Variants in ATP10B observed in about 807,000 individuals in gnomAD.
ATP10B encodes the protein ATPase phospholipid transporting 10B (putative).
ATP10B carries 122 observed loss-of-function variants against 141.2 expected under a neutral mutation model. The ratio of observed to expected loss-of-function variants is 0.86; its 90% CI spans 0.75 to 1.00. ATP10B has a LOEUF of 1.00. Ranked by LOEUF, ATP10B falls within the 50% of genes least tolerant of loss-of-function variation. The probability of loss-of-function intolerance (pLI) is 0.00; values close to 1 mark genes in which losing one functional copy is unlikely to be tolerated. For synonymous variants in ATP10B, 685 were observed against 692.0 expected (o/e 0.99, Z 0.16); for missense variants, 1,876 against 1,825.3 (o/e 1.03, Z -0.51).
Position 160,637,029 on chromosome 5 carries a change from C to CATCCATGA in ATP10B, c.1001-721_1001-720insTCATGGAT, listed in dbSNP as rs1364358481. On this transcript the variant is annotated intron_variant, in intron 10 of 25. Coordinates refer to ENST00000327245, the MANE Select transcript of ATP10B (RefSeq NM_025153.3). Reference sequence around the variant, plus strand: ...CAATCCATCCATCTATCCATCCATCCATCCATCCATGAATCCATCCATCCA... The same window carrying CATCCATGA: ...CAATCCATCCATCTATCCATCCATCCATCCATGAATCCATCCATGAATCCATCCATCCA... Among the ~76,000 whole-genome samples the CATCCATGA allele has an allele frequency of 9.2e-3, 1,162 of 126,698 alleles. 29 individuals carry two copies. The highest frequency in any genetic ancestry group is 0.029 in the African/African-American group (895 of 31,402). 83.1% of individuals were successfully genotyped at this position (126,698 alleles called of 152,430 possible).
chr5:160,619,820 C>T (rs1016868627), intron 15 of ATP10B, among the ~76,000 whole-genome samples: 57 of 152,272 alleles, frequency 3.7e-4, no homozygotes, highest in African/African-American at 1.3e-3. Flanking sequence ...AGAGGAACAC[C>T]TGAGGCTTCC....
chr5:160,591,383 G>A (rs541356882), intron 22 of ATP10B, among the ~76,000 whole-genome samples: 2 of 152,200 alleles, frequency 1.3e-5, no homozygotes, highest in South Asian at 4.2e-4. Flanking sequence ...ATTAAATGTG[G>A]GCAAAAATAA....
the ATP10B span, among the ~76,000 whole-genome samples, chr5:160,874,075 G>A: frequency 1.6e-4 from 25 of 152,160 alleles, no homozygotes; most frequent in Non-Finnish European, 2.8e-4. Context: ...CTCCACCACT[G>A]GGGGCAGGGC....
At chr5:160,809,466 T>C in intron 1 of ATP10B, among the ~76,000 whole-genome samples, 1 of 152,234 alleles carries the variant, frequency 6.6e-6, no homozygotes, top group East Asian at 1.9e-4. Flanking sequence ...GCAATACATA[T>C]GCAATACATA....
the ATP10B span, among the ~76,000 whole-genome samples, chr5:160,928,023 C>T: frequency 6.6e-6 from 1 of 151,976 alleles, no homozygotes; most frequent in Non-Finnish European, 1.5e-5. Context: ...AACAGAGCAA[C>T]AGCCAGGGCT....
intron 1 of ATP10B, among the ~76,000 whole-genome samples, chr5:160,825,807 C>T (rs182885918): frequency 7.9e-5 from 12 of 152,260 alleles, no homozygotes; most frequent in East Asian, 1.9e-4. Context: ...TTCCCACCTC[C>T]GCCCTTCCCC....
chr5:160,678,070 C>T (rs1763144613), intron 6 of ATP10B, among the ~76,000 whole-genome samples: 1 of 152,012 alleles, frequency 6.6e-6, no homozygotes, highest in East Asian at 1.9e-4. Context: ...TGTGCTGTGG[C>T]CAGAAATAAA....
intron 10 of ATP10B, among the ~76,000 whole-genome samples, chr5:160,637,799 C>T (rs1759530960): frequency 6.6e-6 from 1 of 152,230 alleles, no homozygotes; most frequent in African/African-American, 2.4e-5. Context: ...CCTAAAGATG[C>T]TTCCTTGCCC....
chr5:160,667,600 T>C (rs368755031), intron 7 of ATP10B, among the ~76,000 whole-genome samples: 58 of 152,346 alleles, frequency 3.8e-4, no homozygotes, highest in African/African-American at 1.2e-3. Context: ...CTCTCTTTTT[T>C]GTTTTTCTTT....
chr5:160,752,096 A>AT (rs1244699655), intron 2 of ATP10B, among the ~76,000 whole-genome samples: 2 of 152,144 alleles, frequency 1.3e-5, no homozygotes, highest in Admixed American at 1.3e-4. Flanking sequence ...GGATCTTCAC[A>AT]TAAAAAGGCA....
upstream of ATP10B, among the ~76,000 whole-genome samples, chr5:160,855,024 T>C (rs547992518): frequency 5.3e-5 from 8 of 152,290 alleles, no homozygotes; most frequent in East Asian, 1.9e-4. Flanking sequence ...TTTCCAGCTC[T>C]GTTATAAAGT....
chr5:160,665,209 T>C (rs1038796974), intron 7 of ATP10B, among the ~76,000 whole-genome samples: 3 of 152,232 alleles, frequency 2.0e-5, no homozygotes, highest in Non-Finnish European at 4.4e-5. Flanking sequence ...TGAAACTAAC[T>C]CTTTGGCAGC....
At chr5:160,848,903 C>T (rs1456052384) in intron 1 of ATP10B, among the ~76,000 whole-genome samples, 1 of 152,190 alleles carries the variant, frequency 6.6e-6, no homozygotes, top group African/African-American at 2.4e-5. Context: ...CTGTTCTTCA[C>T]TTTGAGAAAC....
Position 160,598,816 on chromosome 5 carries a change from G to A in ATP10B, c.3518C>T (p.Thr1173Ile). The A allele has an allele frequency of 2.5e-6, 4 of 1,614,184 alleles. No homozygotes were observed. Among genetic ancestry groups the A allele is most frequent in the South Asian group, 1.1e-5 (1 of 91,078 alleles). Residue 1173 changes from threonine (T) to isoleucine (I), a missense_variant, in exon 22 of 26, where the codon ACA becomes ATA. Transcript: ENST00000327245. ...GTATAGCTCAGGCAATGCCAGGAGT[G>A]TTTCTGCAGAGATGTCTTTGTCAAG... ...GVLDKDISAE[T>I]LLALPELYKS...
chr5:160,721,141 T>C (rs537170012), intron 2 of ATP10B, among the ~76,000 whole-genome samples: 172 of 152,314 alleles, frequency 1.1e-3, no homozygotes, highest in African/African-American at 4.1e-3. Context: ...CTTGCTTTTT[T>C]TGAATCACAG....
intron 13 of ATP10B, among the ~76,000 whole-genome samples, chr5:160,630,062 A>G (rs551546699): frequency 1.3e-5 from 2 of 152,318 alleles, no homozygotes; most frequent in Admixed American, 1.3e-4. Context: ...CTTCCTCAAA[A>G]CTACTCAAAA....
At chr5:160,700,660 T>C (rs17058151) in intron 3 of ATP10B, among the ~76,000 whole-genome samples, 1,884 of 152,300 alleles carry the variant, frequency 0.012, 47 homozygotes, top group African/African-American at 0.043. Context: ...TTCCAAAAAA[T>C]AGCAGAACCC....
intron 2 of ATP10B, among the ~76,000 whole-genome samples, chr5:160,740,941 G>T (rs1020476026): frequency 8.5e-5 from 13 of 152,176 alleles, no homozygotes; most frequent in African/African-American, 3.1e-4. Context: ...ATCTCAATGG[G>T]ACTTTGTAAC....
the ATP10B span, among the ~76,000 whole-genome samples, chr5:160,878,428 C>A: frequency 4.6e-5 from 7 of 152,170 alleles, no homozygotes; most frequent in Admixed American, 4.6e-4. Context: ...ACCATAAAAA[C>A]CCTAGAAGAA....
Sources: allele counts gnomAD v4.1 joint callset (sites outside exome capture counted in the v4.1 genomes callset), GRCh38; gene constraint gnomAD v4.1.1; transcripts MANE v1.5; gene names NCBI Gene and HGNC (gene_info 2026-07-23, HGNC 2026-07-21).